The following MINK1 variants were observed in gnomAD, a reference collection of about 807,000 sequenced individuals.
MINK1 encodes the protein misshapen-like kinase 1.
Under a neutral mutation model 178.4 loss-of-function variants are expected in MINK1, and 46 were observed. The observed-to-expected ratio is 0.26, with a 90% CI of 0.20 to 0.33. The LOEUF is 0.33. Among genes scored for constraint, MINK1 ranks in the 10% least tolerant of loss-of-function variants. The probability of loss-of-function intolerance (pLI) is 1.00; values close to 1 mark genes in which losing one functional copy is unlikely to be tolerated. For missense variants in MINK1, 1,366 were observed against 1,814.9 expected (o/e 0.75, Z 4.49); for synonymous variants, 797 against 709.7 (o/e 1.12, Z -1.96).
intron 1 of MINK1, among the ~76,000 whole-genome samples, chr17:4,842,631 T>C (rs1398820327): frequency 6.6e-6 from 1 of 152,204 alleles, no homozygotes; most frequent in East Asian, 1.9e-4. Context: ...TCAAGGCACA[T>C]TTTTAAGAAA....
chr17:4,877,647 G>A (rs548038150), intron 1 of MINK1, among the ~76,000 whole-genome samples: 2 of 151,774 alleles, frequency 1.3e-5, no homozygotes, highest in African/African-American at 2.4e-5. Flanking sequence ...AGCATTTGAT[G>A]GGCATTTCTT....
intron 1 of MINK1, among the ~76,000 whole-genome samples, chr17:4,861,454 A>G (rs998302475): frequency 1.3e-5 from 2 of 152,162 alleles, no homozygotes; most frequent in Non-Finnish European, 2.9e-5. Context: ...AATTGAGTCC[A>G]ACACTTGTAT....
At position 4,894,054 on chromosome 17, in the gene MINK1, C is replaced by G; in HGVS notation, c.2631C>G (p.Thr877=). ...VVHDVEEITG[T]QPPYGGGTMV... ...ACGACGTCGAGGAGATCACCGGGAC[C>G]CAGCCCCCATACGGGGGCGGCACCA... is the stretch of plus-strand genomic sequence containing the variant. Residue 877 remains threonine (T), a synonymous_variant, in exon 22 of 32, where the codon ACC becomes ACG. Coordinates refer to ENST00000355280, the MANE Select transcript of MINK1 (RefSeq NM_153827.5). The surrounding 1 kb of genome is among the most constrained non-coding windows in gnomAD (Gnocchi z 4.1). 11 of 1,590,464 alleles carry G rather than the reference C, an allele frequency of 6.9e-6. No individual in the cohort carries two copies. Among genetic ancestry groups the G allele is most frequent in the Non-Finnish European group, 9.4e-6 (11 of 1,166,906 alleles).
chr17:4,876,260 G>A (rs546379248), intron 1 of MINK1, among the ~76,000 whole-genome samples: 19 of 152,278 alleles, frequency 1.2e-4, no homozygotes, highest in Non-Finnish European at 2.2e-4. Flanking sequence ...AGGCTGCCGC[G>A]TGCCAGGCCT....
intron 19 of MINK1, 36 bp from the exon 20 acceptor site, chr17:4,892,943 C>T: frequency 6.6e-7 from 1 of 1,509,106 alleles, no homozygotes; most frequent in Non-Finnish European, 9.0e-7. Flanking sequence ...ATCCCTTGTT[C>T]AGGCATCAGT....
Position 4,885,435 on chromosome 17 carries a change from G to A in MINK1, c.509-48G>A. On this transcript the variant is annotated intron_variant, in intron 6 of 31. Transcript: ENST00000355280. This position sits in a 1 kb window ranked among gnomAD's most constrained non-coding sequence, Gnocchi z 5.0. ...GTGCACGCAGGGATGTGAGGCAAGG[G>A]AGCAGAGGTGACTCCCCACACTGAC... 2 of 1,604,430 alleles carry A rather than the reference G, an allele frequency of 1.2e-6. No individual in the cohort carries two copies. Among genetic ancestry groups the A allele is most frequent in the Non-Finnish European group, 8.5e-7 (1 of 1,174,698 alleles).
intron 1 of MINK1, among the ~76,000 whole-genome samples, chr17:4,848,772 CA>C (rs1275281675): frequency 3.3e-5 from 5 of 152,226 alleles, no homozygotes; most frequent in Non-Finnish European, 7.3e-5. Flanking sequence ...GCTGGGATTA[CA>C]GGCCTAAGCC....
intron 1 of MINK1, chr17:4,854,686 C>T: frequency 2.2e-6 from 1 of 457,710 alleles, no homozygotes; most frequent in Non-Finnish European, 4.4e-6. Flanking sequence ...CTTCCTTCTA[C>T]TTCTAGAACT....
At chr17:4,856,064 A>G (rs1343240335) in intron 1 of MINK1, among the ~76,000 whole-genome samples, 1 of 151,560 alleles carries the variant, frequency 6.6e-6, no homozygotes, top group Non-Finnish European at 1.5e-5. Context: ...TCTTCCTTTC[A>G]TTTGCTCAGT....
intron 1 of MINK1, among the ~76,000 whole-genome samples, chr17:4,853,262 T>G (rs1447341667): frequency 5.5e-5 from 2 of 36,478 alleles, no homozygotes; most frequent in African/African-American, 2.5e-4. Flanking sequence ...GTGTGGTTGG[T>G]GGGGGGAATG....
At chr17:4,893,962 A>AG (rs779614198) in intron 21 of MINK1, 26 bp from the exon 22 acceptor site, 4 of 1,530,442 alleles carry the variant, frequency 2.6e-6, no homozygotes, top group Non-Finnish European at 3.5e-6. Context: ...CAGGACCTGG[A>AG]GGGGCCCCAC....
At chr17:4,848,861 G>A (rs1443017020) in intron 1 of MINK1, among the ~76,000 whole-genome samples, 1 of 152,190 alleles carries the variant, frequency 6.6e-6, no homozygotes, top group African/African-American at 2.4e-5. Context: ...TAGGGATGTT[G>A]AGAGGATTAA....
chr17:4,850,026 A>G (rs1243289518), intron 1 of MINK1, among the ~76,000 whole-genome samples: 1 of 152,078 alleles, frequency 6.6e-6, no homozygotes, highest in Non-Finnish European at 1.5e-5. Flanking sequence ...GGCTCACTGC[A>G]GCCTCCTTGA....
At chr17:4,837,583 C>T (rs896069329) in intron 1 of MINK1, among the ~76,000 whole-genome samples, 1 of 152,218 alleles carries the variant, frequency 6.6e-6, no homozygotes, top group Non-Finnish European at 1.5e-5. Context: ...TGGTTATATT[C>T]CAGGAGAACC....
At chr17:4,857,823 CACAG>C (rs1913452739) in intron 1 of MINK1, among the ~76,000 whole-genome samples, 1 of 152,106 alleles carries the variant, frequency 6.6e-6, no homozygotes, top group African/African-American at 2.4e-5. Context: ...TATGCACACA[CACAG>C]ACACACACAC....
In MINK1 at chr17:4,834,810, G is replaced by A. The variant is rs114539652; in HGVS notation, c.57+1170G>A. The A allele has an allele frequency of 1.3e-3, 664 of 520,116 alleles. 3 individuals carry two copies. The highest frequency in any genetic ancestry group is 0.012 in the African/African-American group (614 of 52,074). The allele number at this position is 520,116 out of a possible 1,614,324, so 32.2% of individuals were successfully genotyped here. A position where few individuals can be genotyped will look rare whatever the true frequency, so the allele number is the denominator to read the frequency against. ...TTCTCTGGAGGCCCCTGCTCAGACT[G>A]TCTTCTGGCTTTTGAGTCAGCCAGG... On this transcript the variant is annotated intron_variant, in intron 1 of 31. Transcript: ENST00000355280.
chr17:4,868,748 T>G (rs1383257836), intron 1 of MINK1: 1 of 230,228 alleles, frequency 4.3e-6, no homozygotes. Context: ...TTTCTTCTCT[T>G]TTTTTTCTTT....
Position 4,897,185 on chromosome 17 carries a change from C to T in MINK1, c.3916-19C>T, listed in dbSNP as rs1441753679. The T allele has an allele frequency of 1.9e-6, 3 of 1,610,612 alleles. No individual in the cohort carries two copies. Among genetic ancestry groups the T allele is most frequent in the East Asian group, 2.2e-5 (1 of 44,838 alleles). ...CCCCAACCTCAGCCCTTGGTGACTT[C>T]TTCTCCTGCCCCACCCAGGTGTTTT... On this transcript the variant is annotated intron_variant, in intron 31 of 31. Transcript: ENST00000355280.
chr17:4,886,274 C>T lies in MINK1; in HGVS notation c.773+76C>T. The T allele has an allele frequency of 1.3e-6, 2 of 1,561,618 alleles. No individual in the cohort carries two copies. Among genetic ancestry groups the T allele is most frequent in the Admixed American group, 1.7e-5 (1 of 59,900 alleles). On this transcript the variant is annotated intron_variant, in intron 9 of 31. Transcript: ENST00000355280. This position sits in a 1 kb window ranked among gnomAD's most constrained non-coding sequence, Gnocchi z 6.1. Reference sequence around the variant, plus strand: ...CATCCCCACCTTCATGCCCTCTGTGCTCAGGCTTGGATCTCACCAGAGAAG... The same window carrying T: ...CATCCCCACCTTCATGCCCTCTGTGTTCAGGCTTGGATCTCACCAGAGAAG...
Sources: allele counts gnomAD v4.1 joint callset (sites outside exome capture counted in the v4.1 genomes callset), GRCh38; gene constraint gnomAD v4.1.1; non-coding constraint Gnocchi (gnomAD v3.1); transcripts MANE v1.5; gene names NCBI Gene and HGNC (gene_info 2026-07-23, HGNC 2026-07-21).